Variants in OCA2 observed in about 807,000 individuals in gnomAD.
The protein encoded by OCA2 is P protein.
OCA2 carries 77 observed loss-of-function variants against 100.2 expected under a neutral mutation model. The observed-to-expected ratio is 0.77, with a 90% CI of 0.64 to 0.93. The LOEUF is 0.93. Among genes scored for constraint, OCA2 ranks in the 40% least tolerant of loss-of-function variants. The probability of loss-of-function intolerance (pLI) is 0.00; values close to 1 mark genes in which losing one functional copy is unlikely to be tolerated. For missense variants in OCA2, 1,062 were observed against 1,089.1 expected (o/e 0.98, Z 0.35); for synonymous variants, 432 against 439.2 (o/e 0.98, Z 0.21).
chr15:27,815,025 C>G (rs1009545479), intron 23 of OCA2, among the ~76,000 whole-genome samples: 5 of 151,852 alleles, frequency 3.3e-5, no homozygotes, highest in Non-Finnish European at 7.4e-5. Context: ...ATGGTGTGGC[C>G]ATCACAAAAG....
At chr15:27,778,219 C>A (rs1329816522) in intron 23 of OCA2, among the ~76,000 whole-genome samples, 1 of 152,196 alleles carries the variant, frequency 6.6e-6, no homozygotes, top group Non-Finnish European at 1.5e-5. Flanking sequence ...GACTGTGAAA[C>A]CACGAAAGTC....
chr15:27,733,389 C>G, the OCA2 span, among the ~76,000 whole-genome samples: 1 of 152,204 alleles, frequency 6.6e-6, no homozygotes, highest in South Asian at 2.1e-4. Flanking sequence ...CCAGCCCGCC[C>G]ACACTGGTAC....
At chr15:27,729,455 A>T in the OCA2 span, among the ~76,000 whole-genome samples, 1 of 152,288 alleles carries the variant, frequency 6.6e-6, no homozygotes, top group East Asian at 1.9e-4. Flanking sequence ...AAAAATATGT[A>T]TTAGCCTTCT....
At chr15:28,025,051 T>C (rs2042708195) in intron 4 of OCA2, 149 bp from the exon 5 acceptor site, 4 of 770,292 alleles carry the variant, frequency 5.2e-6, no homozygotes, top group South Asian at 4.5e-5. Flanking sequence ...AACACCCTCA[T>C]ATCAGTGACC....
At chr15:28,075,598 A>G (rs1369808775) in intron 2 of OCA2, among the ~76,000 whole-genome samples, 3 of 152,248 alleles carry the variant, frequency 2.0e-5, no homozygotes, top group African/African-American at 7.2e-5. Context: ...ATTAAAATTT[A>G]CATTCACATA....
chr15:28,064,645 G>A (rs926546376), intron 2 of OCA2, among the ~76,000 whole-genome samples: 1 of 151,804 alleles, frequency 6.6e-6, no homozygotes, highest in Non-Finnish European at 1.5e-5. Flanking sequence ...TCTCTTTGTT[G>A]ATAGACTCAT....
intron 13 of OCA2, 128 bp from the exon 14 acceptor site, chr15:27,983,611 G>A (rs762010516): frequency 2.0e-6 from 2 of 982,516 alleles, no homozygotes; most frequent in Admixed American, 1.9e-5. Context: ...ACCCCTGTGG[G>A]GAAGGCAGTG....
intron 1 of OCA2, among the ~76,000 whole-genome samples, chr15:28,087,108 C>A (rs1399223924): frequency 6.6e-6 from 1 of 151,978 alleles, no homozygotes; most frequent in Admixed American, 6.6e-5. Context: ...ACAAGATAAT[C>A]CCAAAGAAAT....
intron 9 of OCA2, among the ~76,000 whole-genome samples, chr15:28,007,429 A>G (rs2042120122): frequency 6.6e-6 from 1 of 152,154 alleles, no homozygotes; most frequent in Non-Finnish European, 1.5e-5. Context: ...ACTTTCAACA[A>G]GAACTACTTT....
intron 21 of OCA2, among the ~76,000 whole-genome samples, chr15:27,857,683 A>G (rs888019669): frequency 6.6e-6 from 1 of 152,202 alleles, no homozygotes; most frequent in Non-Finnish European, 1.5e-5. Context: ...ACAGAGCCCA[A>G]AGGACCTGTG....
intron 14 of OCA2, among the ~76,000 whole-genome samples, chr15:27,967,359 A>G (rs2040606742): frequency 6.6e-6 from 1 of 152,194 alleles, no homozygotes; most frequent in South Asian, 2.1e-4. Context: ...GTCGAAAACC[A>G]AAAACCAATT....
At chr15:27,850,273 C>A (rs1185345600) in intron 22 of OCA2, among the ~76,000 whole-genome samples, 1 of 152,158 alleles carries the variant, frequency 6.6e-6, no homozygotes, top group Non-Finnish European at 1.5e-5. Context: ...CGTTACAGGA[C>A]GTGTCAGTCT....
intron 23 of OCA2, among the ~76,000 whole-genome samples, chr15:27,758,479 T>A (rs774276387): frequency 1.3e-5 from 2 of 152,144 alleles, no homozygotes; most frequent in African/African-American, 2.4e-5. Context: ...GTGTTTCAAG[T>A]TGAATGAGAA....
At chr15:27,847,246 G>A (rs1372851109) in intron 22 of OCA2, among the ~76,000 whole-genome samples, 3 of 152,174 alleles carry the variant, frequency 2.0e-5, no homozygotes, top group African/African-American at 7.2e-5. Flanking sequence ...ACACGTGTGC[G>A]ACCACCTCCT....
chr15:27,831,205 G>T (rs1430176692), intron 23 of OCA2, among the ~76,000 whole-genome samples: 1 of 147,156 alleles, frequency 6.8e-6, no homozygotes, highest in African/African-American at 2.5e-5. Context: ...AGAATCGCTT[G>T]AACCAGGGAG....
At chr15:27,812,650 C>CT (rs1334444657) in intron 23 of OCA2, among the ~76,000 whole-genome samples, 1 of 152,136 alleles carries the variant, frequency 6.6e-6, no homozygotes, top group Non-Finnish European at 1.5e-5. Context: ...ATATAAAACA[C>CT]TTAAGTTGCT....
chr15:27,723,230 C>T, the OCA2 span, among the ~76,000 whole-genome samples: 2 of 152,268 alleles, frequency 1.3e-5, no homozygotes, highest in Admixed American at 6.5e-5. Flanking sequence ...TCTGCCCCCC[C>T]ACTTCAAAGA....
intron 13 of OCA2, among the ~76,000 whole-genome samples, chr15:27,984,638 G>A (rs570819045): frequency 6.0e-4 from 92 of 152,296 alleles, no homozygotes; most frequent in African/African-American, 2.0e-3. Flanking sequence ...TCAGCTCACT[G>A]CAACCTCCGC....
intron 23 of OCA2, among the ~76,000 whole-genome samples, chr15:27,821,201 G>A (rs941857474): frequency 6.6e-6 from 1 of 152,108 alleles, no homozygotes; most frequent in Non-Finnish European, 1.5e-5. Flanking sequence ...TTTTGTATTA[G>A]AGAGGTTATG....
Sources: gnomAD v4.1 joint callset for allele counts (sites outside exome capture counted in the v4.1 genomes callset) on GRCh38, gnomAD v4.1.1 for gene constraint, MANE v1.5 for transcripts, NCBI Gene and HGNC (gene_info 2026-07-23, HGNC 2026-07-21) for gene names.